The following MUC6 variants were observed in gnomAD, a reference collection of about 807,000 sequenced individuals.
The protein encoded by MUC6 is mucin 6, oligomeric mucus/gel-forming (gene/pseudogene).
MUC6 carries 188 observed loss-of-function variants against 201.5 expected under a neutral mutation model. The ratio of observed to expected loss-of-function variants is 0.93; its 90% CI spans 0.83 to 1.05. The LOEUF is 1.05. Among genes scored for constraint, MUC6 ranks in the 50% least tolerant of loss-of-function variants. The pLI is 0.00. For missense variants in MUC6, 2,706 were observed against 3,256.9 expected (o/e 0.83, Z 4.12); for synonymous variants, 1,228 against 1,389.4 (o/e 0.88, Z 2.58).
chr11:1,020,316 C>T (rs1271540821), intron 28 of MUC6, 59 bp from the exon 29 acceptor site: 19 of 1,533,010 alleles, frequency 1.2e-5, no homozygotes, highest in Non-Finnish European at 1.6e-5. Context: ...TGGGGAGCAC[C>T]CTCCCCTCTG....
Position 1,016,612 on chromosome 11 carries a change from T to G in MUC6, c.6189A>C (p.Pro2063=). The change falls in exon 31 of 33, where the codon CCA becomes CCC. Residue 2063 remains proline (P), a synonymous_variant. Coordinates refer to ENST00000421673, the MANE Select transcript of MUC6 (RefSeq NM_005961.3). Reference sequence around the variant, plus strand: ...TGGTCCCACTGGTGGTCACTGTCATTGGTGGGGCTGTGTGGGTGGACCCTG... The same window carrying G: ...TGGTCCCACTGGTGGTCACTGTCATGGGTGGGGCTGTGTGGGTGGACCCTG... The part of the protein sequence containing the change: ...KATGSTHTAP[P]MTVTTSGTSQ... 6.2e-7 allele frequency: 1 copy of G among 1,613,876 alleles called. No homozygotes were observed. The highest frequency in any genetic ancestry group is 1.1e-5 in the South Asian group (1 of 91,084).
Position 1,013,304 on chromosome 11 carries a change from G to T in MUC6, c.*152C>A. On this transcript the variant is annotated 3_prime_UTR_variant, in exon 33 of 33. Transcript: ENST00000421673. ...CCTGCTTGGCAGCCCCTCTCCAACC[G>T]GTGCCCCAGGGAGCCACGGCCCAGG... is the stretch of plus-strand genomic sequence containing the variant. The T allele has an allele frequency of 1.4e-6, 1 of 732,056 alleles. No individual in the cohort carries two copies. Among genetic ancestry groups the T allele is most frequent in the Non-Finnish European group, 2.2e-6 (1 of 458,990 alleles). 45.3% of individuals were successfully genotyped at this position (732,056 alleles called of 1,614,324 possible). A position where few individuals can be genotyped will look rare whatever the true frequency, so the allele number is the denominator to read the frequency against.
rs757459282 is a variant in MUC6 at position 1,028,006 on chromosome 11, C to G, written c.1807G>C (p.Glu603Gln). 6.3e-7 allele frequency: 1 copy of G among 1,587,252 alleles called. No individual in the cohort carries two copies. Among genetic ancestry groups the G allele is most frequent in the South Asian group, 1.1e-5 (1 of 87,098 alleles). ...GGGTTCACTGTGGCGTGGCACCTCT[C>G]GAACACCGTGCCTGTCCTCAGCAGC... Reference protein sequence around the residue: ...SMLLRTGTVFERCHATVNPAP... With the variant: ...SMLLRTGTVFQRCHATVNPAP... Residue 603 changes from glutamate (E) to glutamine (Q), a missense_variant, in exon 15 of 33, where the codon GAG becomes CAG. By Grantham distance (29) the Glu-to-Gln change is conservative. Transcript: ENST00000421673.
rs560520529 is a variant in MUC6 at position 1,020,252 on chromosome 11, G to T, written c.3646C>A (p.Arg1216=). The T allele has an allele frequency of 1.2e-6, 2 of 1,600,976 alleles. No individual in the cohort carries two copies. Among genetic ancestry groups the T allele is most frequent in the East Asian group, 4.5e-5 (2 of 44,722 alleles). ...GTCATGGGCCAGACTTGCGTGGGCC[G>T]TGAGCCTGGGTGGGCGGACATGCCA... ...TTPQLPTTGS[R]PTQVWPMTGT... Residue 1216 remains arginine, a synonymous_variant, in exon 29 of 33, where the codon CGG becomes AGG. Coordinates refer to ENST00000421673, the MANE Select transcript of MUC6 (RefSeq NM_005961.3).
At chr11:1,023,064 C>T (rs1431866784) in intron 26 of MUC6, among the ~76,000 whole-genome samples, 2 of 147,122 alleles carry the variant, frequency 1.4e-5, no homozygotes, top group African/African-American at 5.1e-5. Flanking sequence ...TGTGAATGAG[C>T]GTGAATATGT....
Position 1,023,458 on chromosome 11 carries a change from G to A in MUC6, c.3526+51C>T. On this transcript the variant is annotated intron_variant, in intron 26 of 32. Transcript: ENST00000421673. ...TGTGAATGAATGAATGTGCATGAAT[G>A]AGTGAATGGGTCCCCCTGTGTATCT... 25 of 1,536,210 alleles carry A rather than the reference G, an allele frequency of 1.6e-5. No individual in the cohort carries two copies. The South Asian group carries it at 3.0e-4, about 18-fold the overall frequency.
chr11:1,015,594 G>A (rs544470661), intron 31 of MUC6, among the ~76,000 whole-genome samples, 168 bp downstream of exon 31: 2 of 152,264 alleles, frequency 1.3e-5, no homozygotes, highest in African/African-American at 4.8e-5. Context: ...CATAGAGGGT[G>A]CCCAGGAGAG....
chr11:1,031,474 T>C, intron 4 of MUC6, 133 bp downstream of exon 4: 1 of 1,419,974 alleles, frequency 7.0e-7, no homozygotes, highest in African/African-American at 1.4e-5. Context: ...TCAGCACTGC[T>C]TGGCACGAAG....
At position 1,013,159 on chromosome 11, in the gene MUC6, T is replaced by G; in HGVS notation, c.*297A>C. ...GGGGCCAAGTTCAGGGGCTGGGAGG[T>G]GTTGGACGGTGGGCAGGGGTGGTCG... On this transcript the variant is annotated 3_prime_UTR_variant, in exon 33 of 33. Coordinates refer to ENST00000421673, the MANE Select transcript of MUC6 (RefSeq NM_005961.3). 4.4e-6 allele frequency: 2 copies of G among 454,468 alleles called. No homozygotes were observed. The highest frequency in any genetic ancestry group is 3.9e-6 in the Non-Finnish European group (1 of 256,490). The allele number at this position is 454,468 out of a possible 1,614,324, so 28.2% of individuals were successfully genotyped here.
chr11:1,019,338 A>C lies in MUC6; in HGVS notation c.3967T>G (p.Ser1323Ala). 1 of 1,613,612 alleles carries C rather than the reference A, an allele frequency of 6.2e-7. No homozygotes were observed. Among genetic ancestry groups the C allele is most frequent in the Non-Finnish European group, 8.5e-7 (1 of 1,179,772 alleles). ...ASPATTSTAQ[S>A]TTRTTMTLPT... ...AGTGTCATTGTGGTCCGTGTTGTGG[A>C]CTGAGCTGTGGACGTCGTGGCTGGG... The change falls in exon 30 of 33, where the codon TCC becomes GCC. Residue 1323 changes from serine to alanine, a missense_variant. This residue lies in a region of MUC6 where 1,850 missense variants were observed against 1,958.3 expected (regional missense o/e 0.94). Coordinates refer to ENST00000421673, the MANE Select transcript of MUC6 (RefSeq NM_005961.3).
rs763324286 is a variant in MUC6, at chr11:1,026,424, C to T, written c.2449G>A (p.Ala817Thr). ...CVCAEGLYEN[A>T]DGQCVPPEEC... ...TCGGGGGGCACACACTGCCCGTCGGCATTCTCGTAGAGGCCCTCGGCGCAG... is the reference window on the plus strand; with the variant it reads ...TCGGGGGGCACACACTGCCCGTCGGTATTCTCGTAGAGGCCCTCGGCGCAG... Residue 817 changes from alanine to threonine, a missense_variant, in exon 20 of 33, where the codon GCC (alanine) becomes ACC (threonine). Ala to Thr is a moderately conservative substitution (Grantham distance 58). This residue lies in a region of MUC6 where 1,850 missense variants were observed against 1,958.3 expected (regional missense o/e 0.94). Coordinates refer to ENST00000421673, the MANE Select transcript of MUC6 (RefSeq NM_005961.3). The T allele has an allele frequency of 6.2e-7, 1 of 1,608,768 alleles. No individual in the cohort carries two copies. Among genetic ancestry groups the T allele is most frequent in the South Asian group, 1.1e-5 (1 of 90,770 alleles).
intron 15 of MUC6, 42 bp from the exon 16 acceptor site, chr11:1,027,859 G>T (rs1356091439): frequency 6.3e-7 from 1 of 1,598,904 alleles, no homozygotes; most frequent in Non-Finnish European, 8.5e-7. Flanking sequence ...CAGGCACCCT[G>T]CCCTGGGGAC....
chr11:1,023,854 G>T, intron 25 of MUC6, 93 bp downstream of exon 25: 1 of 1,504,152 alleles, frequency 6.6e-7, no homozygotes, highest in Non-Finnish European at 9.0e-7. Flanking sequence ...TGTCCAGGGA[G>T]AGGGGCCTGT....
chr11:1,035,296 C>A (rs1314262313), intron 1 of MUC6, among the ~76,000 whole-genome samples: 2 of 152,226 alleles, frequency 1.3e-5, no homozygotes, highest in Admixed American at 6.5e-5. Flanking sequence ...TGGGCCTCAC[C>A]ACACCTCCCT....
chr11:1,026,094 G>A lies in MUC6; in HGVS notation c.2594C>T (p.Pro865Leu), dbSNP rs777936773. 1.8e-5 allele frequency: 29 copies of A among 1,600,096 alleles called. No homozygotes were observed. In the African/African-American group the frequency reaches 3.5e-4, roughly 19 times the overall value. ...CTCCCCGTAGAGGGTGCAGGTGGAT[G>A]GGCAGTGGGTGCCCTGCTGACAGGC... ...RWACQQGTHC[P>L]STCTLYGEGH... The change falls in exon 21 of 33, where the codon CCA becomes CTA. Residue 865 changes from proline to leucine, a missense_variant. Physicochemically the swap from Pro to Leu is moderately conservative, Grantham distance 98. Transcript: ENST00000421673.
chr11:1,022,597 G>C (rs1381657611), intron 26 of MUC6, among the ~76,000 whole-genome samples: 1 of 152,150 alleles, frequency 6.6e-6, no homozygotes, highest in Non-Finnish European at 1.5e-5. Flanking sequence ...TGGGCGCCTC[G>C]GCCGACACTG....
At chr11:1,026,259 C>T (rs1036735157) in intron 20 of MUC6, 68 bp downstream of exon 20, 234 of 1,543,792 alleles carry the variant, frequency 1.5e-4, no homozygotes, top group Non-Finnish European at 8.6e-5. Flanking sequence ...AGCCCCACCC[C>T]GGGCAGCCTC....
At chr11:1,028,155 C>G in intron 14 of MUC6, 71 bp downstream of exon 14, 1 of 1,535,590 alleles carries the variant, frequency 6.5e-7, no homozygotes, top group Non-Finnish European at 8.8e-7. Context: ...GGCCTGTGGT[C>G]CAGTCCAGGG....
chr11:1,014,488 T>G (rs1414143250), intron 31 of MUC6, among the ~76,000 whole-genome samples: 1 of 151,808 alleles, frequency 6.6e-6, no homozygotes, highest in African/African-American at 2.4e-5. Context: ...GCAGGCCCCG[T>G]GGTCTGGGCT....
Sources: gnomAD v4.1 joint callset for allele counts (sites outside exome capture counted in the v4.1 genomes callset) on GRCh38, gnomAD v4.1.1 for gene constraint, gnomAD v4.1.1 regional missense constraint, MANE v1.5 for transcripts, NCBI Gene and HGNC (gene_info 2026-07-23, HGNC 2026-07-21) for gene names.